Variants in RAPGEF4 observed in about 807,000 individuals in gnomAD.
The protein encoded by RAPGEF4 is RAP guanine-nucleotide-exchange factor (GEF) 4.
In RAPGEF4, 66 loss-of-function variants were observed where a neutral mutation model predicts 147.9. That is an observed-to-expected ratio of 0.45 (90% CI 0.37 to 0.55). The LOEUF is 0.55. Ranked by LOEUF, RAPGEF4 falls within the 20% of genes least tolerant of loss-of-function variation. The pLI, the probability that RAPGEF4 is intolerant of heterozygous loss-of-function variation, is 0.00. For missense variants in RAPGEF4, 1,071 were observed against 1,257.3 expected, an observed-to-expected ratio of 0.85 and a Z score of 2.24; for synonymous variants, 419 against 442.7, an observed-to-expected ratio of 0.95 and a Z score of 0.67.
At chr2:172,872,353 A>T (rs542870991) in intron 4 of RAPGEF4, among the ~76,000 whole-genome samples, 8 of 152,260 alleles carry the variant, frequency 5.3e-5, no homozygotes, top group African/African-American at 1.9e-4. Context: ...TATTTTCATA[A>T]TTTACAACTT....
chr2:172,910,214 A>AGTT (rs1368114500), intron 4 of RAPGEF4, among the ~76,000 whole-genome samples: 2 of 152,218 alleles, frequency 1.3e-5, no homozygotes, highest in African/African-American at 4.8e-5. Context: ...CTGGTTTAGC[A>AGTT]GTTGTCACCT....
chr2:172,802,666 G>A (rs1292294861), intron 3 of RAPGEF4, among the ~76,000 whole-genome samples: 1 of 152,154 alleles, frequency 6.6e-6, no homozygotes, highest in Admixed American at 6.5e-5. Flanking sequence ...CTTCCTAACA[G>A]TCTCCCAAAG....
intron 15 of RAPGEF4, among the ~76,000 whole-genome samples, chr2:172,993,844 C>T (rs1459390440): frequency 6.6e-6 from 1 of 152,106 alleles, no homozygotes; most frequent in African/African-American, 2.4e-5. Context: ...GTAAGGTGGC[C>T]ACAGCAACTG....
At chr2:172,986,743 G>A (rs1187406203) in intron 12 of RAPGEF4, among the ~76,000 whole-genome samples, 2 of 150,858 alleles carry the variant, frequency 1.3e-5, no homozygotes, top group Admixed American at 6.6e-5. Flanking sequence ...ACCCAGGCTG[G>A]AGTGCAGTGG....
At chr2:172,947,101 T>C (rs1229293679) in intron 6 of RAPGEF4, among the ~76,000 whole-genome samples, 1 of 152,200 alleles carries the variant, frequency 6.6e-6, no homozygotes, top group Non-Finnish European at 1.5e-5. Flanking sequence ...TTGACAACTG[T>C]GTGTTGTTAA....
chr2:172,888,770 A>G (rs1575143085), intron 4 of RAPGEF4, among the ~76,000 whole-genome samples: 1 of 152,210 alleles, frequency 6.6e-6, no homozygotes, highest in Non-Finnish European at 1.5e-5. Context: ...TTTTCATGAA[A>G]GATTGAATTC....
At position 172,961,175 on chromosome 2, in the gene RAPGEF4, C is replaced by T. The variant is rs1689250167; in HGVS notation, c.645C>T (p.Leu215=). ...RAGKILRNAI[L]SRAPHMIRDR... ...GAAAAATTTTACGAAATGCCATTCT[C>T]TCTCGAGCACCTCACATGATAAGAG... Residue 215 remains leucine (L), a synonymous_variant, in exon 8 of 31, where the codon CTC becomes CTT. Transcript: ENST00000397081. 1.2e-6 allele frequency: 2 copies of T among 1,613,096 alleles called. No homozygotes were observed. Among genetic ancestry groups the T allele is most frequent in the African/African-American group, 2.7e-5 (2 of 74,906 alleles).
intron 1 of RAPGEF4, among the ~76,000 whole-genome samples, chr2:172,789,810 A>T (rs1383463723): frequency 1.3e-5 from 2 of 152,192 alleles, no homozygotes; most frequent in African/African-American, 2.4e-5. Context: ...TCAGGGGGTA[A>T]ATAATACTCC....
At chr2:172,814,156 T>G (rs1481241141) in intron 3 of RAPGEF4, 123 bp from the exon 4 acceptor site, 1 of 953,450 alleles carries the variant, frequency 1.0e-6, no homozygotes, top group Non-Finnish European at 1.6e-6. Flanking sequence ...TGTCAAGACT[T>G]GTTGAACTAT....
At chr2:173,023,782 G>C (rs1559193393) in intron 23 of RAPGEF4, among the ~76,000 whole-genome samples, 1 of 152,174 alleles carries the variant, frequency 6.6e-6, no homozygotes, top group Non-Finnish European at 1.5e-5. Flanking sequence ...AGGAAAAGAA[G>C]GAGCAAGGTG....
chr2:173,019,764 C>T (rs1034097965), intron 22 of RAPGEF4, among the ~76,000 whole-genome samples: 1 of 152,238 alleles, frequency 6.6e-6, no homozygotes, highest in Non-Finnish European at 1.5e-5. Flanking sequence ...CCAGGTCTCA[C>T]CCTCACTTTC....
intron 1 of RAPGEF4, among the ~76,000 whole-genome samples, chr2:172,749,649 T>G (rs559344542): frequency 6.6e-6 from 1 of 152,344 alleles, no homozygotes; most frequent in East Asian, 1.9e-4. Flanking sequence ...TTTTTCTCCA[T>G]TGTCTTGCTG....
intron 4 of RAPGEF4, among the ~76,000 whole-genome samples, chr2:172,818,104 A>G (rs1688691330): frequency 6.6e-6 from 1 of 151,702 alleles, no homozygotes; most frequent in South Asian, 2.1e-4. Flanking sequence ...CAAACATCAT[A>G]TGTTCTCACT....
At chr2:172,881,365 G>A (rs912943544) in intron 4 of RAPGEF4, among the ~76,000 whole-genome samples, 8 of 152,182 alleles carry the variant, frequency 5.3e-5, no homozygotes, top group African/African-American at 9.7e-5. Flanking sequence ...TGAATAAGGC[G>A]AATGCTTTTT....
chr2:172,833,262 T>G (rs1354209696), intron 4 of RAPGEF4, among the ~76,000 whole-genome samples: 1 of 12,988 alleles, frequency 7.7e-5, no homozygotes, highest in Non-Finnish European at 2.2e-4. Flanking sequence ...AGGTTTGGGT[T>G]TTTTTTTTTT....
chr2:172,860,465 G>A (rs570095162), intron 4 of RAPGEF4, among the ~76,000 whole-genome samples: 1 of 151,836 alleles, frequency 6.6e-6, no homozygotes, highest in South Asian at 2.1e-4. Flanking sequence ...TCTTAACAGA[G>A]AACAGTTTAA....
At chr2:172,886,067 T>C (rs1351956751) in intron 4 of RAPGEF4, among the ~76,000 whole-genome samples, 1 of 152,160 alleles carries the variant, frequency 6.6e-6, no homozygotes, top group East Asian at 1.9e-4. Context: ...GGGACTTGTT[T>C]ATTTGCACTC....
chr2:172,791,495 G>A lies in RAPGEF4; in HGVS notation c.66-3530G>A, dbSNP rs759822554. Among the ~76,000 whole-genome samples the A allele has an allele frequency of 6.6e-5, 10 of 152,204 alleles. 1 individual carries two copies. Among genetic ancestry groups the A allele is most frequent in the African/African-American group, 2.4e-4 (10 of 41,442 alleles). On this transcript the variant is annotated intron_variant, in intron 1 of 30. Transcript: ENST00000397081. ...GAGATTCACAAAAGGATTATCACTG[G>A]TGGTAGTTTCCAGAGATCGAATAGT...
At chr2:173,018,829 C>T in intron 22 of RAPGEF4, 27 bp downstream of exon 22, 1 of 1,605,632 alleles carries the variant, frequency 6.2e-7, no homozygotes, top group South Asian at 1.1e-5. Context: ...ATATTTTAGG[C>T]TCTGCAAAAT....
Sources: allele counts gnomAD v4.1 joint callset (sites outside exome capture counted in the v4.1 genomes callset), GRCh38; gene constraint gnomAD v4.1.1; transcripts MANE v1.5; gene names NCBI Gene and HGNC (gene_info 2026-07-23, HGNC 2026-07-21).